The following PADI6 variants were observed in gnomAD, a reference collection of about 807,000 sequenced individuals.
PADI6 encodes peptidyl arginine deiminase 6.
A neutral mutation model predicts 78.2 loss-of-function variants in PADI6; 66 were observed. The ratio of observed to expected loss-of-function variants is 0.84; its 90% CI spans 0.69 to 1.04. The LOEUF (loss-of-function observed/expected upper bound fraction) is 1.04. Among genes scored for constraint, PADI6 ranks in the 50% least tolerant of loss-of-function variants. The pLI, the probability that PADI6 is intolerant of heterozygous loss-of-function variation, is 0.00. For synonymous variants in PADI6, 397 were observed against 346.9 expected (o/e 1.14, Z -1.60); for missense variants, 854 against 866.1 (o/e 0.99, Z 0.18).
chr1:17,388,462 A>G lies in PADI6; in HGVS notation c.761A>G (p.Lys254Arg). Residue 254 changes from lysine to arginine, a missense_variant, in exon 7 of 16, where the codon AAG becomes AGG. Coordinates refer to ENST00000619609, the MANE Select transcript of PADI6 (RefSeq NM_207421.4). ...TTGGCCCTCCTCGGGAACCACTTGA[A>G]GGAGACTTTCTACGTTGAAGCTATA... ...YTLALLGNHL[K>R]ETFYVEAIAF... The G allele has an allele frequency of 6.2e-7, 1 of 1,613,754 alleles. No homozygotes were observed. Among genetic ancestry groups the G allele is most frequent in the South Asian group, 1.1e-5 (1 of 91,028 alleles).
intron 15 of PADI6, among the ~76,000 whole-genome samples, chr1:17,399,059 C>A (rs924624908): frequency 6.6e-6 from 1 of 152,144 alleles, no homozygotes; most frequent in African/African-American, 2.4e-5. Context: ...GTTCCCCAGG[C>A]AGTTACTATG....
At chr1:17,384,249 C>G (rs1378770089) in intron 6 of PADI6, among the ~76,000 whole-genome samples, 1 of 152,058 alleles carries the variant, frequency 6.6e-6, no homozygotes, top group Non-Finnish European at 1.5e-5. Flanking sequence ...CAAAAAGATA[C>G]AGCAAAAGAG....
chr1:17,393,758 A>G (rs1048296430), intron 9 of PADI6, among the ~76,000 whole-genome samples: 9 of 152,118 alleles, frequency 5.9e-5, no homozygotes, highest in African/African-American at 2.2e-4. Context: ...TGCAGGCGTG[A>G]GCCACCACAC....
At chr1:17,388,153 T>C (rs1357146962) in intron 6 of PADI6, among the ~76,000 whole-genome samples, 1 of 152,166 alleles carries the variant, frequency 6.6e-6, no homozygotes, top group Non-Finnish European at 1.5e-5. Context: ...ATGTAATAGG[T>C]CTTCAAGGAA....
Position 17,372,430 on chromosome 1 carries a change from T to C in PADI6, c.116+69T>C, listed in dbSNP as rs980634663. Reference sequence around the variant, plus strand: ...AGGCAGGCCTGGGACCCAGTCCCCTTGATCTGGGAGTTGGGGGTTACTTCT... The same window carrying C: ...AGGCAGGCCTGGGACCCAGTCCCCTCGATCTGGGAGTTGGGGGTTACTTCT... On this transcript the variant is annotated intron_variant, in intron 1 of 15. Transcript: ENST00000619609. The C allele has an allele frequency of 3.0e-5, 43 of 1,422,262 alleles. No individual in the cohort carries two copies. The African/African-American group carries it at 5.8e-4, about 19-fold the overall frequency. 88.1% of individuals were successfully genotyped at this position (1,422,262 alleles called of 1,614,324 possible).
chr1:17,373,265 T>C (rs754224183), intron 2 of PADI6, 32 bp downstream of exon 2: 15 of 1,607,346 alleles, frequency 9.3e-6, no homozygotes, highest in Non-Finnish European at 1.2e-5. Flanking sequence ...GAGGGGCATC[T>C]CCCGGGGTGG....
intron 14 of PADI6, among the ~76,000 whole-genome samples, chr1:17,398,194 A>G (rs1029219873): frequency 2.0e-5 from 3 of 152,158 alleles, no homozygotes; most frequent in African/African-American, 4.8e-5. Context: ...CGCACAGTGC[A>G]TGGGTACCCT....
intron 9 of PADI6, among the ~76,000 whole-genome samples, chr1:17,393,630 T>C (rs910252784): frequency 6.6e-6 from 1 of 152,126 alleles, no homozygotes; most frequent in Non-Finnish European, 1.5e-5. Context: ...TGAGCCACCA[T>C]GCCTGGCTAA....
At chr1:17,393,072 G>A (rs1172041411) in intron 9 of PADI6, among the ~76,000 whole-genome samples, 1 of 152,148 alleles carries the variant, frequency 6.6e-6, no homozygotes, top group African/African-American at 2.4e-5. Context: ...CTTGAACCCA[G>A]GAGGCGGAGG....
At chr1:17,386,389 CTG>C (rs1421954287) in intron 6 of PADI6, among the ~76,000 whole-genome samples, 3 of 152,232 alleles carry the variant, frequency 2.0e-5, no homozygotes, top group Non-Finnish European at 2.9e-5. Context: ...GGCAAACAGA[CTG>C]TGACCCTCTC....
At position 17,372,231 on chromosome 1, in the gene PADI6, G is replaced by C; in HGVS notation, c.-15G>C. 1 of 1,608,926 alleles carries C rather than the reference G, an allele frequency of 6.2e-7. No individual in the cohort carries two copies. Among genetic ancestry groups the C allele is most frequent in the Non-Finnish European group, 8.5e-7 (1 of 1,175,280 alleles). On this transcript the variant is annotated 5_prime_UTR_variant, in exon 1 of 16. Coordinates refer to ENST00000619609, the MANE Select transcript of PADI6 (RefSeq NM_207421.4). ...GGCTGCTGTGCTGAGTGAGGGCTGC[G>C]GTGCAGGCCTGAGGATGGTCAGCGT...
In PADI6 at chr1:17,397,161, G is replaced by T. The variant is rs375627640; in HGVS notation, c.1689+20G>T. ...GTGGAGGTAGGACCAGTGTGAAGGG[G>T]GCCATCCCCAAGAAAGAGCTGGTGC... On this transcript the variant is annotated intron_variant, in intron 14 of 15. Coordinates refer to ENST00000619609, the MANE Select transcript of PADI6 (RefSeq NM_207421.4). 4.7e-4 allele frequency: 761 copies of T among 1,612,916 alleles called. 1 individual carries two copies. The highest frequency in any genetic ancestry group is 6.0e-4 in the Admixed American group (36 of 59,936).
chr1:17,382,500 T>A (rs1344538828), intron 6 of PADI6, among the ~76,000 whole-genome samples: 2 of 152,184 alleles, frequency 1.3e-5, no homozygotes, highest in Non-Finnish European at 2.9e-5. Flanking sequence ...TTTCCAGAAA[T>A]CTGAGGCCAA....
At chr1:17,379,885 C>T in intron 3 of PADI6, 35 bp from the exon 4 acceptor site, 1 of 1,600,762 alleles carries the variant, frequency 6.2e-7, no homozygotes, top group South Asian at 1.1e-5. Flanking sequence ...TCTGGCAGGT[C>T]AAGGTGGCTG....
chr1:17,395,048 G>A lies in PADI6; in HGVS notation c.1435G>A (p.Gly479Ser), dbSNP rs1156594993. ...VELYSDWLMT[G>S]HVDEFMCFIP... ...GCTCTACTCAGATTGGCTAATGACT[G>A]GCCACGTGGATGAGTTCATGTGCTT... The change falls in exon 12 of 16, where the codon GGC becomes AGC. Residue 479 changes from glycine to serine, a missense_variant. Coordinates refer to ENST00000619609, the MANE Select transcript of PADI6 (RefSeq NM_207421.4). 6.2e-7 allele frequency: 1 copy of A among 1,613,988 alleles called. No individual in the cohort carries two copies. Among genetic ancestry groups the A allele is most frequent in the Admixed American group, 1.7e-5 (1 of 60,006 alleles).
At chr1:17,376,491 ATTT>A (rs35174721) in intron 3 of PADI6, among the ~76,000 whole-genome samples, 1 of 148,500 alleles carries the variant, frequency 6.7e-6, no homozygotes, top group East Asian at 2.0e-4. Context: ...TAGTGGGCTA[ATTT>A]TTTTTATTTT....
At chr1:17,397,359 C>T (rs1423867467) in intron 14 of PADI6, among the ~76,000 whole-genome samples, 1 of 152,110 alleles carries the variant, frequency 6.6e-6, no homozygotes, top group Admixed American at 6.5e-5. Context: ...AGTTAGGTCT[C>T]TGGAGTCAAA....
At chr1:17,374,013 GT>G (rs2074991277) in intron 2 of PADI6, among the ~76,000 whole-genome samples, 1 of 152,044 alleles carries the variant, frequency 6.6e-6, no homozygotes, top group Non-Finnish European at 1.5e-5. Flanking sequence ...TTGGTTGCAG[GT>G]GAGAACCACT....
intron 9 of PADI6, among the ~76,000 whole-genome samples, chr1:17,392,843 A>T (rs1156390957): frequency 2.0e-5 from 3 of 149,592 alleles, no homozygotes; most frequent in African/African-American, 7.7e-5. Context: ...GATTTGGGGC[A>T]GGGGTGGCCA....
Sources: gnomAD v4.1 joint callset for allele counts (sites outside exome capture counted in the v4.1 genomes callset) on GRCh38, gnomAD v4.1.1 for gene constraint, MANE v1.5 for transcripts, NCBI Gene and HGNC (gene_info 2026-07-23, HGNC 2026-07-21) for gene names.